CFAP46: variants seen among roughly 807,000 people sequenced by gnomAD.
CFAP46 encodes cilia- and flagella-associated protein 46.
In CFAP46, 245 loss-of-function variants were observed where a neutral mutation model predicts 325.7. That is an observed-to-expected ratio of 0.75 (90% CI 0.68 to 0.84). The LOEUF is 0.84. Among genes scored for constraint, CFAP46 ranks in the 40% least tolerant of loss-of-function variants. The pLI, the probability that CFAP46 is intolerant of heterozygous loss-of-function variation, is 0.00. For missense variants in CFAP46, 3,346 were observed against 3,543.0 expected (o/e 0.94, Z 1.41); for synonymous variants, 1,523 against 1,495.9 (o/e 1.02, Z -0.42).
chr10:132,898,692 C>A lies in CFAP46; in HGVS notation c.3219+267G>T, dbSNP rs748884477. ...GGGACTGTGCTGGCCTCACTCTACC[C>A]GCTGCTGTGTGTCTCCAGGGCTGAG... On this transcript the variant is annotated intron_variant, in intron 24 of 57. Transcript: ENST00000368586. 9.2e-6 allele frequency: 5 copies of A among 541,764 alleles called. 1 individual carries two copies. Among genetic ancestry groups the A allele is most frequent in the Non-Finnish European group, 1.7e-5 (5 of 296,214 alleles). The allele number at this position is 541,764 out of a possible 1,614,324, so 33.6% of individuals were successfully genotyped here. A position where few individuals can be genotyped will look rare whatever the true frequency, so the allele number is the denominator to read the frequency against.
At chr10:132,842,486 T>C (rs1848361468) in intron 44 of CFAP46, among the ~76,000 whole-genome samples, 1 of 152,196 alleles carries the variant, frequency 6.6e-6, no homozygotes, top group African/African-American at 2.4e-5. Flanking sequence ...TCACCCTCAA[T>C]GATCCATTTA....
chr10:132,913,488 C>T lies in CFAP46; in HGVS notation c.2121-230G>A, dbSNP rs115632067. On this transcript the variant is annotated intron_variant, in intron 17 of 57. Transcript: ENST00000368586. Reference sequence around the variant, plus strand: ...GCTGCATTCCAGTCTCACAGGAGCGCGAACCCTATTGCGATCAGCGCATTC... The same window carrying T: ...GCTGCATTCCAGTCTCACAGGAGCGTGAACCCTATTGCGATCAGCGCATTC... Among the ~76,000 whole-genome samples, 258 of 152,324 alleles carry T rather than the reference C, an allele frequency of 1.7e-3. 1 individual carries two copies. The highest frequency in any genetic ancestry group is 5.4e-3 in the African/African-American group (224 of 41,574).
chr10:132,836,614 G>A (rs1388452656), intron 45 of CFAP46, among the ~76,000 whole-genome samples: 3 of 139,756 alleles, frequency 2.1e-5, no homozygotes, highest in Non-Finnish European at 3.1e-5. Flanking sequence ...CACAGGAAGG[G>A]GTGTGTGGCG....
Position 132,938,720 on chromosome 10 carries a change from G to C in CFAP46, c.405C>G (p.Leu135=), listed in dbSNP as rs768466466. Reference sequence around the variant, plus strand: ...GGAACGGCCTCACCATCTGCCAGTAGAGGACTGATGCATTGTACACCAAAA... The same window carrying C: ...GGAACGGCCTCACCATCTGCCAGTACAGGACTGATGCATTGTACACCAAAA... ...YYFLVYNASV[L]YWQMVRPFLK... Residue 135 remains leucine, a synonymous_variant, in exon 5 of 58, where the codon CTC becomes CTG. Coordinates refer to ENST00000368586, the MANE Select transcript of CFAP46 (RefSeq NM_001200049.3). The C allele has an allele frequency of 6.2e-7, 1 of 1,613,524 alleles. No individual in the cohort carries two copies. Among genetic ancestry groups the C allele is most frequent in the Non-Finnish European group, 8.5e-7 (1 of 1,179,974 alleles).
chr10:132,862,741 A>G (rs1848741434), intron 35 of CFAP46, among the ~76,000 whole-genome samples: 1 of 148,314 alleles, frequency 6.7e-6, no homozygotes, highest in Admixed American at 6.8e-5. Flanking sequence ...AGGAGAGACC[A>G]GGGTGGAAGG....
In CFAP46 at chr10:132,924,845, C is replaced by A; in HGVS notation, c.1107G>T (p.Gln369His). 1 of 1,435,566 alleles carries A rather than the reference C, an allele frequency of 7.0e-7. No homozygotes were observed. Among genetic ancestry groups the A allele is most frequent in the Non-Finnish European group, 9.2e-7 (1 of 1,087,524 alleles). 88.9% of individuals were successfully genotyped at this position (1,435,566 alleles called of 1,614,324 possible). The change falls in exon 11 of 58, where the codon CAG (glutamine) becomes CAT (histidine). Residue 369 changes from glutamine to histidine, a missense_variant. Coordinates refer to ENST00000368586, the MANE Select transcript of CFAP46 (RefSeq NM_001200049.3). ...DIIQRLDVAL[Q>H]RAVRLGDPRV... is the part of the protein sequence containing the mutation. Reference sequence around the variant, plus strand: ...GGGGGTCGCCCAGGCGCACGGCTCGCTGCAGCGCGACGTCTAGCCTCTGTA... The same window carrying A: ...GGGGGTCGCCCAGGCGCACGGCTCGATGCAGCGCGACGTCTAGCCTCTGTA...
At chr10:132,835,749 C>T (rs191680443) in intron 46 of CFAP46, among the ~76,000 whole-genome samples, 2,312 of 152,162 alleles carry the variant, frequency 0.015, 19 homozygotes, top group Non-Finnish European at 0.026. Context: ...ACCCCTGGGA[C>T]CCCAGCGGCT....
intron 50 of CFAP46, among the ~76,000 whole-genome samples, chr10:132,826,411 C>G (rs1309526563): frequency 2.9e-5 from 4 of 138,140 alleles, no homozygotes; most frequent in Admixed American, 7.0e-5. Flanking sequence ...TGGAGCCAGG[C>G]AGGAGCCAGA....
At chr10:132,813,024 T>A in intron 54 of CFAP46, 127 bp from the exon 55 acceptor site, 1 of 665,604 alleles carries the variant, frequency 1.5e-6, no homozygotes, top group South Asian at 1.8e-5. Context: ...AAACTGAACT[T>A]TCTTTCATGT....
chr10:132,941,764 G>A (rs771577845), intron 2 of CFAP46, 42 bp from the exon 3 acceptor site: 30 of 1,611,062 alleles, frequency 1.9e-5, no homozygotes, highest in Non-Finnish European at 2.5e-5. Flanking sequence ...GACCCGGAGG[G>A]GTGGCCTCCC....
At position 132,919,964 on chromosome 10, in the gene CFAP46, T is replaced by C. The variant is rs1849696383; in HGVS notation, c.1730+95A>G. The stretch of plus-strand genomic sequence containing the variant: ...CCTGGCGAGTCCCCAGACGGCCACA[T>C]GCAGGGTCAGCTCAGCCGCCACAGA... On this transcript the variant is annotated intron_variant, in intron 14 of 57. Coordinates refer to ENST00000368586, the MANE Select transcript of CFAP46 (RefSeq NM_001200049.3). This position sits in a 1 kb window ranked among gnomAD's most constrained non-coding sequence, Gnocchi z 9.7. 1 of 1,400,136 alleles carries C rather than the reference T, an allele frequency of 7.1e-7. No individual in the cohort carries two copies. The highest frequency in any genetic ancestry group is 3.3e-5 in the Admixed American group (1 of 30,528). 86.7% of individuals were successfully genotyped at this position (1,400,136 alleles called of 1,614,324 possible). A position where few individuals can be genotyped will look rare whatever the true frequency, so the allele number is the denominator to read the frequency against.
chr10:132,837,949 G>GCACGTGTGCACGGACACAGACACA (rs1848292948), intron 44 of CFAP46, among the ~76,000 whole-genome samples: 1 of 150,944 alleles, frequency 6.6e-6, no homozygotes, highest in Non-Finnish European at 1.5e-5. Flanking sequence ...ACACAGACAC[G>GCACGTGTGCACGGACACAGACACA]CACGTGTACA....
At chr10:132,814,487 G>A in intron 53 of CFAP46, 90 bp downstream of exon 53, 2 of 1,469,060 alleles carry the variant, frequency 1.4e-6, no homozygotes, top group Non-Finnish European at 1.8e-6. Context: ...GCCTCGAGGA[G>A]TGGGGCACCA....
chr10:132,837,602 G>GAT (rs1554876833), intron 44 of CFAP46, among the ~76,000 whole-genome samples: 2 of 106,956 alleles, frequency 1.9e-5, no homozygotes, highest in Non-Finnish European at 3.8e-5. Context: ...GATGCGCACG[G>GAT]ACACACGCAC....
intron 44 of CFAP46, among the ~76,000 whole-genome samples, chr10:132,844,422 G>A (rs141504846): frequency 2.0e-5 from 3 of 152,282 alleles, no homozygotes; most frequent in Non-Finnish European, 2.9e-5. Context: ...TTGCTTCCAC[G>A]GCTGATAACT....
chr10:132,888,994 G>A (rs1337941521), intron 25 of CFAP46, among the ~76,000 whole-genome samples: 1 of 152,198 alleles, frequency 6.6e-6, no homozygotes, highest in Non-Finnish European at 1.5e-5. Context: ...CCACCCTCTG[G>A]AGCCTTCTCA....
At chr10:132,854,127 C>T (rs1035935673) in intron 39 of CFAP46, among the ~76,000 whole-genome samples, 7 of 152,134 alleles carry the variant, frequency 4.6e-5, no homozygotes, top group African/African-American at 1.7e-4. Flanking sequence ...TTTCCCATTT[C>T]TCCTACAGGT....
intron 46 of CFAP46, among the ~76,000 whole-genome samples, chr10:132,835,874 C>T (rs1431629365): frequency 5.7e-5 from 8 of 140,898 alleles, no homozygotes; most frequent in Admixed American, 1.4e-4. Context: ...ACTCCCCTCC[C>T]GCCCCTGCTC....
At position 132,835,271 on chromosome 10, in the gene CFAP46, C is replaced by T. The variant is rs762216079; in HGVS notation, c.6744+33G>A. On this transcript the variant is annotated intron_variant, in intron 47 of 57. Coordinates refer to ENST00000368586, the MANE Select transcript of CFAP46 (RefSeq NM_001200049.3). ...CCCAGGGGTGGGGAGCAGAGGGTCC[C>T]GGCTGGGTGGCTTGGAGCCTGGAGG... is the stretch of plus-strand genomic sequence containing the variant. 1.9e-5 allele frequency: 30 copies of T among 1,608,042 alleles called. No homozygotes were observed. The Middle Eastern group carries it at 5.3e-4, about 29-fold the overall frequency.
Sources: gnomAD v4.1 joint callset for allele counts (sites outside exome capture counted in the v4.1 genomes callset) on GRCh38, gnomAD v4.1.1 for gene constraint, Gnocchi (gnomAD v3.1) non-coding constraint, MANE v1.5 for transcripts, NCBI Gene and HGNC (gene_info 2026-07-23, HGNC 2026-07-21) for gene names.